SEMA5A: variants seen among roughly 807,000 people sequenced by gnomAD.
The protein encoded by SEMA5A is semaphorin-5A.
SEMA5A carries 55 observed loss-of-function variants against 135.5 expected under a neutral mutation model. That is an observed-to-expected ratio of 0.41 (90% CI 0.33 to 0.51). The LOEUF (loss-of-function observed/expected upper bound fraction) is 0.51. Ranked by LOEUF, SEMA5A falls within the 20% of genes least tolerant of loss-of-function variation. The probability of loss-of-function intolerance (pLI) is 0.37; values close to 1 mark genes in which losing one functional copy is unlikely to be tolerated. For missense variants in SEMA5A, 1,290 were observed against 1,419.9 expected (o/e 0.91, Z 1.47); for synonymous variants, 580 against 546.5 (o/e 1.06, Z -0.85).
At chr5:9,516,483 T>G (rs935447903) in intron 1 of SEMA5A, 7 of 109,306 alleles carry the variant, frequency 6.4e-5, no homozygotes, top group African/African-American at 2.1e-4. Flanking sequence ...GCTGTGAAGG[T>G]TATAACGCCC....
Position 9,035,973 on chromosome 5 carries a change from A to AAT in SEMA5A, c.*6923_*6924insAT, listed in dbSNP as rs1735634276. Reference sequence around the variant, plus strand: ...GAGGAGTTTCACAAAAAAAAAAAAAAAAAAAAATCTCAAGTTTATTTTGTG... The same window carrying AAT: ...GAGGAGTTTCACAAAAAAAAAAAAAAATAAAAAAATCTCAAGTTTATTTTGTG... On this transcript the variant is annotated 3_prime_UTR_variant, in exon 23 of 23. Transcript: ENST00000382496. The AAT allele has an allele frequency of 6.6e-6, 1 of 151,862 alleles. No homozygotes were observed. Among genetic ancestry groups the AAT allele is most frequent in the Admixed American group, 6.6e-5 (1 of 15,214 alleles). 9.4% of individuals were successfully genotyped at this position (151,862 alleles called of 1,614,324 possible).
At position 9,545,642 on chromosome 5, in the gene SEMA5A, G is replaced by A. The variant is rs1399000829; in HGVS notation, c.-233C>T. The A allele has an allele frequency of 6.6e-6, 1 of 152,236 alleles. No individual in the cohort carries two copies. The highest frequency in any genetic ancestry group is 1.5e-5 in the Non-Finnish European group (1 of 68,098). The allele number at this position is 152,236 out of a possible 1,614,324, so 9.4% of individuals were successfully genotyped here. ...CGCCTGGGGGCCAGAGCGGCTCCGA[G>A]GATCCTCTTCAGCACCTGGCTAGGG... On this transcript the variant is annotated 5_prime_UTR_variant, in exon 1 of 23. Coordinates refer to ENST00000382496, the MANE Select transcript of SEMA5A (RefSeq NM_003966.3). This position sits in a 1 kb window ranked among gnomAD's most constrained non-coding sequence, Gnocchi z 4.5.
chr5:9,084,077 T>A (rs1579361414), intron 16 of SEMA5A, among the ~76,000 whole-genome samples: 1 of 152,222 alleles, frequency 6.6e-6, no homozygotes, highest in Non-Finnish European at 1.5e-5. Flanking sequence ...TAATAAAAGT[T>A]GAAAATCTTG....
intron 5 of SEMA5A, among the ~76,000 whole-genome samples, chr5:9,247,104 C>G (rs1440165475): frequency 6.6e-6 from 1 of 152,174 alleles, no homozygotes; most frequent in African/African-American, 2.4e-5. Flanking sequence ...GCAACCACAG[C>G]ATGAATGCAA....
chr5:9,362,487 AG>A (rs1295319826), intron 3 of SEMA5A, among the ~76,000 whole-genome samples: 5 of 152,194 alleles, frequency 3.3e-5, no homozygotes, highest in Non-Finnish European at 7.3e-5. Flanking sequence ...CTACCCTACG[AG>A]GGCAGAGACA....
chr5:9,532,219 T>C (rs268546), intron 1 of SEMA5A, among the ~76,000 whole-genome samples: 51,034 of 151,812 alleles, frequency 0.34, 8,735 homozygotes, highest in East Asian at 0.4. Context: ...CAACTACATA[T>C]TACTTTACAG....
At chr5:9,181,895 G>A (rs561345396) in intron 11 of SEMA5A, among the ~76,000 whole-genome samples, 2 of 151,798 alleles carry the variant, frequency 1.3e-5, no homozygotes, top group South Asian at 4.2e-4. Context: ...CAGCCGCAGA[G>A]TCCCTCATCT....
At position 9,204,883 on chromosome 5, in the gene SEMA5A, T is replaced by C. The variant is rs1490867110; in HGVS notation, c.647-2643A>G. On this transcript the variant is annotated intron_variant, in intron 8 of 22. Coordinates refer to ENST00000382496, the MANE Select transcript of SEMA5A (RefSeq NM_003966.3). This position sits in a 1 kb window ranked among gnomAD's most constrained non-coding sequence, Gnocchi z 6.4. ...ATTCTCATAGGAGCAGGAACCCTAC[T>C]GTGAACTGTGCATGTGAGGGATCTA... Among the ~76,000 whole-genome samples the C allele has an allele frequency of 6.6e-6, 1 of 152,176 alleles. No homozygotes were observed. The highest frequency in any genetic ancestry group is 2.4e-5 in the African/African-American group (1 of 41,442).
Position 9,224,587 on chromosome 5 carries a change from T to C in SEMA5A, c.646+87A>G, listed in dbSNP as rs2150416081. 5.3e-6 allele frequency: 6 copies of C among 1,134,688 alleles called. No homozygotes were observed. In the South Asian group the frequency reaches 8.0e-5, roughly 15 times the overall value. The allele number at this position is 1,134,688 out of a possible 1,614,324, so 70.3% of individuals were successfully genotyped here. On this transcript the variant is annotated intron_variant, in intron 8 of 22. Transcript: ENST00000382496. ...AGAAGATGAAGAATTCATTTTTATT[T>C]AGAGTGTTGTAGTTTGCTTTTGAGC...
At chr5:9,049,178 T>C (rs200547788) in intron 21 of SEMA5A, among the ~76,000 whole-genome samples, 25 of 88,018 alleles carry the variant, frequency 2.8e-4, no homozygotes, top group African/African-American at 9.1e-4. Context: ...TTATTTATTT[T>C]TGATGCAGAG....
At chr5:9,132,320 G>A (rs1422436382) in intron 13 of SEMA5A, among the ~76,000 whole-genome samples, 2 of 152,150 alleles carry the variant, frequency 1.3e-5, no homozygotes, top group Non-Finnish European at 2.9e-5. Context: ...CCAAATTCAG[G>A]TGTTTCCAGT....
intron 2 of SEMA5A, among the ~76,000 whole-genome samples, chr5:9,387,411 C>T (rs759620429): frequency 6.6e-6 from 1 of 152,150 alleles, no homozygotes; most frequent in Non-Finnish European, 1.5e-5. Flanking sequence ...GATCACAGCT[C>T]AGAGTAGTCA....
intron 11 of SEMA5A, among the ~76,000 whole-genome samples, chr5:9,163,298 G>T (rs562188071): frequency 8.6e-4 from 130 of 151,898 alleles, no homozygotes; most frequent in African/African-American, 2.7e-3. Flanking sequence ...CAAAGGATTT[G>T]TTTAAACATT....
At chr5:9,473,791 C>T (rs1365908977) in intron 1 of SEMA5A, among the ~76,000 whole-genome samples, 4 of 152,060 alleles carry the variant, frequency 2.6e-5, no homozygotes, top group South Asian at 2.1e-4. Context: ...TGCATCAGCA[C>T]GAGGATACCA....
intron 8 of SEMA5A, among the ~76,000 whole-genome samples, chr5:9,223,707 G>GC (rs1170681152): frequency 6.6e-6 from 1 of 152,158 alleles, no homozygotes; most frequent in African/African-American, 2.4e-5. Context: ...AATGCTTGGG[G>GC]CAATGGATTA....
At chr5:9,193,226 T>G (rs1238212773) in intron 10 of SEMA5A, among the ~76,000 whole-genome samples, 1 of 152,172 alleles carries the variant, frequency 6.6e-6, no homozygotes, top group Admixed American at 6.5e-5. Flanking sequence ...CTCTAATACC[T>G]GAAAATTTTC....
intron 16 of SEMA5A, among the ~76,000 whole-genome samples, chr5:9,097,912 G>A (rs1447736506): frequency 1.3e-5 from 2 of 152,214 alleles, no homozygotes; most frequent in Non-Finnish European, 2.9e-5. Flanking sequence ...GACAACATCA[G>A]TACATCACTT....
chr5:9,098,958 A>C (rs746984421), intron 16 of SEMA5A, among the ~76,000 whole-genome samples: 1 of 152,234 alleles, frequency 6.6e-6, no homozygotes, highest in African/African-American at 2.4e-5. Context: ...TATTTGAATT[A>C]TTGTAGGCAT....
chr5:9,456,102 G>A (rs968256921), intron 1 of SEMA5A, among the ~76,000 whole-genome samples: 2 of 152,206 alleles, frequency 1.3e-5, no homozygotes, highest in African/African-American at 4.8e-5. Context: ...TGCAGCTACA[G>A]GACTTAGATT....
Sources: gnomAD v4.1 joint callset for allele counts (sites outside exome capture counted in the v4.1 genomes callset) on GRCh38, gnomAD v4.1.1 for gene constraint, Gnocchi (gnomAD v3.1) non-coding constraint, MANE v1.5 for transcripts, NCBI Gene and HGNC (gene_info 2026-07-23, HGNC 2026-07-21) for gene names.